LRRC4C: variants seen among roughly 807,000 people sequenced by gnomAD.
LRRC4C encodes leucine rich repeat containing 4C, also known as leucine-rich repeat-containing protein 4C.
Under a neutral mutation model 33.6 loss-of-function variants are expected in LRRC4C, and 5 were observed. The ratio of observed to expected loss-of-function variants is 0.15; its 90% CI spans 0.08 to 0.31. The LOEUF is 0.31. LRRC4C is among the 10% of genes least tolerant of loss of function. The probability of loss-of-function intolerance (pLI) is 1.00; values close to 1 mark genes in which losing one functional copy is unlikely to be tolerated. For synonymous variants in LRRC4C, 329 were observed against 302.0 expected (o/e 1.09, Z -0.93); for missense variants, 560 against 796.7 (o/e 0.70, Z 3.58).
At chr11:41,184,358 G>A (rs1279476427) in intron 1 of LRRC4C, among the ~76,000 whole-genome samples, 1 of 151,648 alleles carries the variant, frequency 6.6e-6, no homozygotes, top group East Asian at 1.9e-4. Context: ...CATGTCACCT[G>A]TCACCTCTTG....
intron 3 of LRRC4C, among the ~76,000 whole-genome samples, chr11:40,320,029 CAT>C (rs1281195746): frequency 6.6e-6 from 1 of 151,652 alleles, no homozygotes; most frequent in Non-Finnish European, 1.5e-5. Flanking sequence ...TTTTTAATGT[CAT>C]TGCATTTTAT....
chr11:40,334,450 T>C (rs1455040262), intron 3 of LRRC4C, among the ~76,000 whole-genome samples: 4 of 152,178 alleles, frequency 2.6e-5, no homozygotes, highest in Non-Finnish European at 5.9e-5. Flanking sequence ...TCTACTTCAC[T>C]ATTGCACAGC....
intron 1 of LRRC4C, among the ~76,000 whole-genome samples, chr11:41,371,719 T>C (rs540232979): frequency 2.6e-5 from 4 of 152,312 alleles, no homozygotes; most frequent in East Asian, 3.9e-4. Context: ...ACCAAGGATA[T>C]AGTAAAACTT....
chr11:40,851,790 T>TA (rs1452783863), intron 2 of LRRC4C, among the ~76,000 whole-genome samples: 3 of 151,970 alleles, frequency 2.0e-5, no homozygotes, highest in African/African-American at 7.2e-5. Context: ...AAATAAATAA[T>TA]AAAAAAGTAT....
intron 5 of LRRC4C, among the ~76,000 whole-genome samples, chr11:40,179,932 TGATA>T (rs371853950): frequency 9.3e-4 from 142 of 152,280 alleles, no homozygotes; most frequent in African/African-American, 3.3e-3. Flanking sequence ...CAAACATATG[TGATA>T]GATAGGTAGA....
At chr11:40,171,497 G>A (rs905017311) in intron 5 of LRRC4C, among the ~76,000 whole-genome samples, 15 of 152,200 alleles carry the variant, frequency 9.9e-5, no homozygotes, top group African/African-American at 3.1e-4. Context: ...TTTACATTGT[G>A]TTTGGCACCC....
chr11:41,197,415 TG>T (rs1255529975), intron 1 of LRRC4C, among the ~76,000 whole-genome samples: 1 of 152,016 alleles, frequency 6.6e-6, no homozygotes, highest in Non-Finnish European at 1.5e-5. Flanking sequence ...AAATAACTGT[TG>T]GGAAATAACA....
intron 5 of LRRC4C, among the ~76,000 whole-genome samples, chr11:40,159,033 T>C (rs943081173): frequency 2.6e-5 from 4 of 152,124 alleles, no homozygotes; most frequent in Admixed American, 1.3e-4. Flanking sequence ...GATAGTGGAG[T>C]TGGGGATGGA....
intron 1 of LRRC4C, among the ~76,000 whole-genome samples, chr11:41,278,678 C>G (rs1396020049): frequency 6.6e-6 from 1 of 152,168 alleles, no homozygotes; most frequent in Non-Finnish European, 1.5e-5. Flanking sequence ...CTGGGTGATG[C>G]TGCTGCTGGT....
intron 2 of LRRC4C, among the ~76,000 whole-genome samples, chr11:40,789,326 C>T (rs1235061998): frequency 6.6e-6 from 1 of 151,972 alleles, no homozygotes; most frequent in Non-Finnish European, 1.5e-5. Context: ...TTGAGTTTCT[C>T]TTCATTGATA....
At chr11:40,397,555 G>A (rs965345915) in intron 3 of LRRC4C, among the ~76,000 whole-genome samples, 1 of 152,222 alleles carries the variant, frequency 6.6e-6, no homozygotes, top group East Asian at 1.9e-4. Flanking sequence ...TTGTGTCAAA[G>A]GGTGACTGTT....
intron 1 of LRRC4C, among the ~76,000 whole-genome samples, chr11:41,280,132 A>G (rs1036392011): frequency 2.3e-4 from 35 of 152,174 alleles, no homozygotes; most frequent in Non-Finnish European, 2.9e-5. Context: ...AATGCCTAGT[A>G]TGTTGGTTAC....
chr11:40,134,189 T>C (rs1856825549), intron 6 of LRRC4C, among the ~76,000 whole-genome samples: 1 of 152,034 alleles, frequency 6.6e-6, no homozygotes, highest in African/African-American at 2.4e-5. Flanking sequence ...CCCAGGAATC[T>C]GAGCCCAGCC....
chr11:40,790,440 G>A (rs1197461017), intron 2 of LRRC4C, among the ~76,000 whole-genome samples: 1 of 152,094 alleles, frequency 6.6e-6, no homozygotes, highest in Admixed American at 6.6e-5. Context: ...AAATACAAAG[G>A]CTTTGGAAAC....
At chr11:40,433,709 T>C (rs375338701) in intron 3 of LRRC4C, among the ~76,000 whole-genome samples, 1 of 152,294 alleles carries the variant, frequency 6.6e-6, no homozygotes, top group South Asian at 2.1e-4. Context: ...TGTAAGTCGA[T>C]GATATTTATC....
intron 1 of LRRC4C, among the ~76,000 whole-genome samples, chr11:41,258,140 T>A (rs1472300203): frequency 6.6e-6 from 1 of 151,948 alleles, no homozygotes. Flanking sequence ...ATATAATATC[T>A]GAGTTTCTGT....
At chr11:41,437,242 C>T in intron 1 of LRRC4C, among the ~76,000 whole-genome samples, 1 of 152,156 alleles carries the variant, frequency 6.6e-6, no homozygotes, top group Middle Eastern at 3.2e-3. Flanking sequence ...ATTCAAAGGT[C>T]AACCATTGCT....
intron 3 of LRRC4C, among the ~76,000 whole-genome samples, chr11:40,400,517 T>A (rs1219965657): frequency 2.6e-5 from 4 of 152,040 alleles, no homozygotes; most frequent in Non-Finnish European, 4.4e-5. Flanking sequence ...ATGCCACAGG[T>A]CAAAATTCTT....
At chr11:40,122,754 A>C in intron 6 of LRRC4C, among the ~76,000 whole-genome samples, 2 of 129,488 alleles carry the variant, frequency 1.5e-5, no homozygotes, top group Non-Finnish European at 3.3e-5. Flanking sequence ...CAATATCTTC[A>C]CCCTCCCCCC....
Sources: allele counts gnomAD v4.1 joint callset (sites outside exome capture counted in the v4.1 genomes callset), GRCh38; gene constraint gnomAD v4.1.1; transcripts MANE v1.5; gene names NCBI Gene and HGNC (gene_info 2026-07-23, HGNC 2026-07-21).